The following UROS variants were observed in gnomAD, a reference collection of about 807,000 sequenced individuals.
UROS encodes uroporphyrinogen III synthase.
In UROS, 18 loss-of-function variants were observed where a neutral mutation model predicts 33.0. The ratio of observed to expected loss-of-function variants is 0.55; its 90% CI spans 0.38 to 0.81. The LOEUF (loss-of-function observed/expected upper bound fraction) is 0.81, where lower values mean the gene tolerates loss of function less well. Ranked by LOEUF, UROS falls within the 30% of genes least tolerant of loss-of-function variation. The pLI, the probability that UROS is intolerant of heterozygous loss-of-function variation, is 0.00. For missense variants in UROS, 293 were observed against 314.9 expected (o/e 0.93, Z 0.53); for synonymous variants, 114 against 121.1 (o/e 0.94, Z 0.38).
intron 3 of UROS, 139 bp downstream of exon 3, chr10:125,816,038 T>C: frequency 2.2e-6 from 2 of 910,088 alleles, no homozygotes; most frequent in South Asian, 1.4e-5. Context: ...AGCAGCCTCC[T>C]GGAGCCAGGT....
chr10:125,788,993 C>A lies in UROS; in HGVS notation c.673G>T (p.Gly225Cys). 6.2e-7 allele frequency: 1 copy of A among 1,612,916 alleles called. No homozygotes were observed. The highest frequency in any genetic ancestry group is 8.5e-7 in the Non-Finnish European group (1 of 1,179,972). The stretch of plus-strand genomic sequence containing the variant: ...GCCAGCGCGCGAGCCGTAGTGGGGC[C>A]GATGGCTGCAAACTATAAAGACAGA... ...NIDQIKFAAI[G>C]PTTARALAAQ... is the part of the protein sequence containing the mutation. Residue 225 changes from glycine (G) to cysteine (C), a missense_variant, in exon 10 of 10, where the codon GGC becomes TGC. By Grantham distance (159) the Gly-to-Cys change is radical. Coordinates refer to ENST00000368797, the MANE Select transcript of UROS (RefSeq NM_000375.3).
intron 9 of UROS, chr10:125,794,515 A>C (rs958241540): frequency 5.6e-6 from 2 of 359,392 alleles, no homozygotes; most frequent in Admixed American, 1.0e-4. Context: ...CAATAATGGC[A>C]AACATAAGAT....
chr10:125,804,232 A>G (rs375571469), intron 6 of UROS, among the ~76,000 whole-genome samples: 80 of 152,270 alleles, frequency 5.3e-4, no homozygotes, highest in African/African-American at 1.9e-3. Context: ...GGGGTCAATG[A>G]TTTAATCAAT....
intron 1 of UROS, among the ~76,000 whole-genome samples, chr10:125,821,257 T>C (rs974904065): frequency 6.6e-6 from 1 of 152,188 alleles, no homozygotes; most frequent in Admixed American, 6.5e-5. Context: ...GACAGATAAG[T>C]AGATAAACAA....
At chr10:125,822,220 G>T (rs1157577727) in intron 1 of UROS, among the ~76,000 whole-genome samples, 1 of 152,164 alleles carries the variant, frequency 6.6e-6, no homozygotes, top group African/African-American at 2.4e-5. Flanking sequence ...ACCTGCCACA[G>T]GGGCTGGCGC....
chr10:125,795,729 C>A (rs1851297765), intron 8 of UROS, among the ~76,000 whole-genome samples: 1 of 152,164 alleles, frequency 6.6e-6, no homozygotes, highest in South Asian at 2.1e-4. Flanking sequence ...TTGTATGTAT[C>A]TTCGATGCTG....
Position 125,798,741 on chromosome 10 carries a change from C to T in UROS, c.395-596G>A, listed in dbSNP as rs1008777376. On this transcript the variant is annotated intron_variant, in intron 6 of 9. Transcript: ENST00000368797. ...CTTAGAGAGAGAAGCCTGCTAAGAA[C>T]GGCCTGCCTCTCCTTTCACCACAAC... Among the ~76,000 whole-genome samples, 9 of 152,208 alleles carry T rather than the reference C, an allele frequency of 5.9e-5. No individual in the cohort carries two copies. The South Asian group carries it at 8.3e-4, about 14-fold the overall frequency.
At chr10:125,812,459 TA>T (rs1179881000) in intron 4 of UROS, among the ~76,000 whole-genome samples, 171 bp from the exon 5 acceptor site, 3 of 152,252 alleles carry the variant, frequency 2.0e-5, no homozygotes, top group African/African-American at 7.2e-5. Flanking sequence ...GTTCATGTTT[TA>T]TAGGCAATTT....
At chr10:125,785,308 C>G (rs927569837), downstream of UROS, 5 of 152,226 alleles carry the variant, frequency 3.3e-5, no homozygotes, top group African/African-American at 1.2e-4. Context: ...GTGCATCTCA[C>G]TACATCCCCT....
Position 125,796,048 on chromosome 10 carries a change from C to G in UROS, c.561+55G>C, listed in dbSNP as rs2281955. On this transcript the variant is annotated intron_variant, in intron 8 of 9. Coordinates refer to ENST00000368797, the MANE Select transcript of UROS (RefSeq NM_000375.3). ...TCTATCAGCTCGTGCCCTTCACCCT[C>G]TGCTTCCCCACCTGGGCACCCACCC... 0.45 allele frequency: 686,112 copies of G among 1,534,740 alleles called. 155,769 individuals are homozygous for G. Among genetic ancestry groups the G allele is most frequent in the Non-Finnish European group, 0.47 (520,694 of 1,108,692 alleles).
rs191229395 is a variant in UROS, at chr10:125,791,076, A to G, written c.661-2071T>C. Among the ~76,000 whole-genome samples, 404 of 144,668 alleles carry G rather than the reference A, an allele frequency of 2.8e-3. 1 individual carries two copies. Among genetic ancestry groups the G allele is most frequent in the African/African-American group, 9.8e-3 (379 of 38,554 alleles). The allele number at this position is 144,668 out of a possible 152,430, so 94.9% of individuals were successfully genotyped here. ...CACTGCACTCCAGCCTGGGCAACAG[A>G]GCGAGACACCATCTCAAAAAAAAAA... On this transcript the variant is annotated intron_variant, in intron 9 of 9. Transcript: ENST00000368797.
At position 125,820,918 on chromosome 10, in the gene UROS, G is replaced by A. The variant is rs550399338; in HGVS notation, c.-27+2111C>T. On this transcript the variant is annotated intron_variant, in intron 1 of 9. Coordinates refer to ENST00000368797, the MANE Select transcript of UROS (RefSeq NM_000375.3). Reference sequence around the variant, plus strand: ...TGCTGAGTTCAGTTCCCTAGGGTCAGTACTGTATTTACTTTCACATTCACT... The same window carrying A: ...TGCTGAGTTCAGTTCCCTAGGGTCAATACTGTATTTACTTTCACATTCACT... Among the ~76,000 whole-genome samples, 6 of 152,210 alleles carry A rather than the reference G, an allele frequency of 3.9e-5. No homozygotes were observed. In the South Asian group the frequency reaches 1.2e-3, roughly 32 times the overall value.
intron 6 of UROS, among the ~76,000 whole-genome samples, chr10:125,805,299 T>G (rs2133886725): frequency 6.6e-6 from 1 of 152,334 alleles, no homozygotes; most frequent in African/African-American, 2.4e-5. Context: ...GGAGCCCCAG[T>G]CACTGTAAAT....
intron 1 of UROS, chr10:125,819,780 C>T (rs1853691574): frequency 6.5e-6 from 1 of 152,836 alleles, no homozygotes; most frequent in African/African-American, 2.4e-5. Flanking sequence ...ATAACGAAAC[C>T]TGTTATTTCC....
rs185286714 is a variant in UROS at position 125,790,085 on chromosome 10, C to A, written c.661-1080G>T. On this transcript the variant is annotated intron_variant, in intron 9 of 9. Transcript: ENST00000368797. The stretch of plus-strand genomic sequence containing the variant: ...ACAAGCCACCTGTACCTCTGCATAA[C>A]CTCGGATGCTGCGGGACTGAGGCTC... 1.2e-3 allele frequency among the ~76,000 whole-genome samples: 189 copies of A among 152,308 alleles called. 4 individuals carry two copies. The South Asian group carries it at 0.027, about 22-fold the overall frequency.
chr10:125,804,046 T>C (rs1313483628), intron 6 of UROS, among the ~76,000 whole-genome samples: 1 of 152,216 alleles, frequency 6.6e-6, no homozygotes, highest in Non-Finnish European at 1.5e-5. Context: ...GAACTTCCCA[T>C]TAGAGGTGAG....
chr10:125,798,065 C>T lies in UROS; in HGVS notation c.475G>A (p.Gly159Arg). ...GATGCAGTCAAAGCATTCTACTCGC[C>T]TTTGTCCTTGAGCGCTTTTGGCAGG... ...EILPKALKDK[G>R]IAMESITVYQ... The change falls in exon 7 of 10, where the codon GGG becomes AGG. Residue 159 changes from glycine (G) to arginine (R), a missense_variant and splice_region_variant. By Grantham distance (125) the Gly-to-Arg change is moderately radical. Coordinates refer to ENST00000368797, the MANE Select transcript of UROS (RefSeq NM_000375.3). 1.2e-6 allele frequency: 2 copies of T among 1,613,986 alleles called. No homozygotes were observed. The highest frequency in any genetic ancestry group is 1.7e-6 in the Non-Finnish European group (2 of 1,179,836).
chr10:125,811,685 C>A (rs981149170), intron 5 of UROS, among the ~76,000 whole-genome samples: 11 of 152,024 alleles, frequency 7.2e-5, no homozygotes, highest in Admixed American at 2.6e-4. Context: ...AATTGCTAAG[C>A]ATTGTTTTAA....
At chr10:125,807,562 T>C in intron 5 of UROS, 75 bp from the exon 6 acceptor site, 4 of 1,152,156 alleles carry the variant, frequency 3.5e-6, no homozygotes, top group Non-Finnish European at 5.2e-6. Flanking sequence ...TTTTTTAACG[T>C]GCAAATACAC....
Sources: allele counts gnomAD v4.1 joint callset (sites outside exome capture counted in the v4.1 genomes callset), GRCh38; gene constraint gnomAD v4.1.1; transcripts MANE v1.5; gene names NCBI Gene and HGNC (gene_info 2026-07-23, HGNC 2026-07-21).